Variants in TGFBR3 observed in about 807,000 individuals in gnomAD.
The protein encoded by TGFBR3 is transforming growth factor beta receptor 3.
TGFBR3 carries 46 observed loss-of-function variants against 87.9 expected under a neutral mutation model. The ratio of observed to expected loss-of-function variants is 0.52; its 90% CI spans 0.41 to 0.67. The LOEUF is 0.67. Ranked by LOEUF, TGFBR3 falls within the 30% of genes least tolerant of loss-of-function variation. TGFBR3 has a pLI of 0.00. For synonymous variants in TGFBR3, 381 were observed against 391.6 expected, an observed-to-expected ratio of 0.97 and a Z score of 0.32; for missense variants, 866 against 1,041.9, an observed-to-expected ratio of 0.83 and a Z score of 2.32.
At chr1:91,754,786 T>C (rs1673680440) in intron 4 of TGFBR3, among the ~76,000 whole-genome samples, 1 of 152,196 alleles carries the variant, frequency 6.6e-6, no homozygotes, top group Non-Finnish European at 1.5e-5. Flanking sequence ...TTTTCCTTTT[T>C]TAATTTGGGC....
chr1:91,863,175 C>A (rs1423417870), intron 1 of TGFBR3, among the ~76,000 whole-genome samples: 1 of 152,040 alleles, frequency 6.6e-6, no homozygotes, highest in Non-Finnish European at 1.5e-5. Context: ...TATTACCTAT[C>A]CAGAAATAAT....
intron 5 of TGFBR3, 65 bp downstream of exon 5, chr1:91,734,711 G>A (rs1256011807): frequency 6.3e-7 from 1 of 1,586,084 alleles, no homozygotes; most frequent in Non-Finnish European, 8.7e-7. Flanking sequence ...TAACCACCTG[G>A]TTTCAGAAAA....
intron 3 of TGFBR3, among the ~76,000 whole-genome samples, chr1:91,788,691 C>T (rs1457520339): frequency 6.6e-6 from 1 of 152,198 alleles, no homozygotes; most frequent in Admixed American, 6.5e-5. Context: ...GGAGACGCTG[C>T]ACACGCATGC....
chr1:91,711,701 CT>C (rs1158175161), intron 13 of TGFBR3, among the ~76,000 whole-genome samples: 1 of 152,172 alleles, frequency 6.6e-6, no homozygotes, highest in Non-Finnish European at 1.5e-5. Context: ...AATGGTTCTG[CT>C]TTTTGTTATG....
chr1:91,709,019 A>G (rs1473465197), intron 13 of TGFBR3, among the ~76,000 whole-genome samples: 1 of 152,164 alleles, frequency 6.6e-6, no homozygotes, highest in Admixed American at 6.5e-5. Flanking sequence ...TAGCTTCTCA[A>G]TATTGTCCTC....
chr1:91,843,255 G>C (rs987309741), intron 2 of TGFBR3, among the ~76,000 whole-genome samples: 1 of 152,162 alleles, frequency 6.6e-6, no homozygotes. Flanking sequence ...GAGCAATTAG[G>C]TCATGAGGAC....
At chr1:91,849,504 A>G (rs1015796364) in intron 2 of TGFBR3, among the ~76,000 whole-genome samples, 17 of 152,092 alleles carry the variant, frequency 1.1e-4, no homozygotes, top group Non-Finnish European at 1.9e-4. Context: ...ACCTTTGCTC[A>G]ATGTTCCTAG....
chr1:91,681,098 G>A lies in TGFBR3; in HGVS notation c.*2641C>T. 1 of 454,076 alleles carries A rather than the reference G, an allele frequency of 2.2e-6. No homozygotes were observed. Among genetic ancestry groups the A allele is most frequent in the Non-Finnish European group, 4.4e-6 (1 of 226,776 alleles). 28.1% of individuals were successfully genotyped at this position (454,076 alleles called of 1,614,324 possible). The stretch of plus-strand genomic sequence containing the variant: ...CCTGCAGAAATAACAAAAGACTGCA[G>A]ATACAAGAGTTCAGCTGAAATACAA... On this transcript the variant is annotated 3_prime_UTR_variant, in exon 17 of 17. Transcript: ENST00000212355.
intron 2 of TGFBR3, among the ~76,000 whole-genome samples, chr1:91,895,593 A>G (rs1029185522): frequency 6.6e-6 from 1 of 152,166 alleles, no homozygotes; most frequent in African/African-American, 2.4e-5. Context: ...AAGTGCTGGG[A>G]TTAAAGTGTG....
At chr1:91,793,328 A>G (rs1345747754) in intron 3 of TGFBR3, among the ~76,000 whole-genome samples, 1 of 152,202 alleles carries the variant, frequency 6.6e-6, no homozygotes, top group Non-Finnish European at 1.5e-5. Context: ...ATCTTGCACC[A>G]ATAACAAGCC....
rs151273390 is a variant in TGFBR3 at position 91,839,659 on chromosome 1, T to A, written c.61+21812A>T. ...TCCTGAGAGAATGTCAGGAAAAAAA[T>A]TAATTGAGGGACATTCTCCAGTAGT... On this transcript the variant is annotated intron_variant, in intron 2 of 16. Transcript: ENST00000212355. Among the ~76,000 whole-genome samples the A allele has an allele frequency of 7.5e-3, 1,134 of 152,064 alleles. 16 individuals are homozygous for A. Among genetic ancestry groups the A allele is most frequent in the African/African-American group, 0.026 (1,070 of 41,462 alleles).
chr1:91,750,404 A>G (rs1215337212), intron 4 of TGFBR3, among the ~76,000 whole-genome samples: 1 of 152,214 alleles, frequency 6.6e-6, no homozygotes, highest in East Asian at 1.9e-4. Flanking sequence ...AATGGCCACA[A>G]TAGGGCCAAA....
intron 3 of TGFBR3, among the ~76,000 whole-genome samples, chr1:91,787,206 C>T (rs1036126377): frequency 1.3e-5 from 2 of 151,888 alleles, no homozygotes. Flanking sequence ...GAGGCTGAGG[C>T]AAGAGAATCG....
At chr1:91,748,885 C>T (rs1395729141) in intron 4 of TGFBR3, among the ~76,000 whole-genome samples, 1 of 152,050 alleles carries the variant, frequency 6.6e-6, no homozygotes, top group Non-Finnish European at 1.5e-5. Flanking sequence ...ACAAAAGCAC[C>T]TACTTCACAG....
rs767117694 is a variant in TGFBR3 at position 91,719,890 on chromosome 1, G to A, written c.1413+3C>T. On this transcript the variant is annotated splice_donor_region_variant and intron_variant, in intron 9 of 16. Coordinates refer to ENST00000212355, the MANE Select transcript of TGFBR3 (RefSeq NM_003243.5). ...CTTCCCTCCTGTAATCAGCTGCACC[G>A]ACCTGAAAAGAATCTTTTTCTACAG... 2.1e-5 allele frequency: 34 copies of A among 1,613,914 alleles called. No homozygotes were observed. Among genetic ancestry groups the A allele is most frequent in the East Asian group, 6.7e-5 (3 of 44,884 alleles).
intron 2 of TGFBR3, among the ~76,000 whole-genome samples, chr1:91,825,956 G>T (rs557851444): frequency 7.1e-6 from 1 of 140,868 alleles, no homozygotes; most frequent in Non-Finnish European, 1.5e-5. Flanking sequence ...ACTCTAGCCT[G>T]GGTGAGAGTG....
In TGFBR3 at chr1:91,850,080, CAAAAAAA is replaced by C. The variant is rs376631972; in HGVS notation, c.61+11384_61+11390del. Among the ~76,000 whole-genome samples the C allele has an allele frequency of 1.6e-3, 83 of 52,154 alleles. 1 individual carries two copies. In the South Asian group the frequency reaches 0.017, roughly 11 times the overall value. 34.2% of individuals were successfully genotyped at this position (52,154 alleles called of 152,430 possible). ...TGGGCAACAGAGCAAGACTCCATCT[CAAAAAAA>C]AAAAAAAAAAAAAAAAAGAAAGAAA... On this transcript the variant is annotated intron_variant, in intron 2 of 16. Transcript: ENST00000212355.
At chr1:91,892,107 T>C (rs1679463814) in intron 2 of TGFBR3, among the ~76,000 whole-genome samples, 1 of 152,162 alleles carries the variant, frequency 6.6e-6, no homozygotes, top group South Asian at 2.1e-4. Flanking sequence ...AACTCACCAT[T>C]TCCTGTGACT....
chr1:91,731,956 C>A lies in TGFBR3; in HGVS notation c.569-1983G>T, dbSNP rs184348250. 2.6e-5 allele frequency among the ~76,000 whole-genome samples: 4 copies of A among 152,276 alleles called. No individual in the cohort carries two copies. The East Asian group carries it at 7.7e-4, about 29-fold the overall frequency. ...CTTTTGTTGTGTGTGGTTTCTCCCC[C>A]GCTCCCCAATGACTTTCCGAATGCC... On this transcript the variant is annotated intron_variant, in intron 5 of 16. Transcript: ENST00000212355.
Sources: allele counts gnomAD v4.1 joint callset (sites outside exome capture counted in the v4.1 genomes callset), GRCh38; gene constraint gnomAD v4.1.1; transcripts MANE v1.5; gene names NCBI Gene and HGNC (gene_info 2026-07-23, HGNC 2026-07-21).